The following SCHIP1 variants were observed in gnomAD, a reference collection of about 807,000 sequenced individuals.
The protein encoded by SCHIP1 is schwannomin-interacting protein 1.
SCHIP1 carries 8 observed loss-of-function variants against 29.7 expected under a neutral mutation model. The ratio of observed to expected loss-of-function variants is 0.27; its 90% CI spans 0.16 to 0.49. SCHIP1 has a LOEUF of 0.49. Ranked by LOEUF, SCHIP1 falls within the 20% of genes least tolerant of loss-of-function variation. The pLI is 0.99. For missense variants in SCHIP1, 193 were observed against 294.6 expected (o/e 0.66, Z 2.52); for synonymous variants, 76 against 94.9 (o/e 0.80, Z 1.16).
chr3:159,876,701 C>T (rs2109343911), intron 2 of SCHIP1, among the ~76,000 whole-genome samples: 1 of 152,326 alleles, frequency 6.6e-6, no homozygotes, highest in East Asian at 1.9e-4. Flanking sequence ...TAATTTTAGA[C>T]TTGTTTGGAC....
the SCHIP1 span, among the ~76,000 whole-genome samples, chr3:159,690,785 G>T: frequency 6.6e-6 from 1 of 152,118 alleles, no homozygotes; most frequent in Admixed American, 6.5e-5. Context: ...CAGAGATTCT[G>T]GTGTGTTGTG....
chr3:159,273,425 A>C, the SCHIP1 span: 2 of 1,017,706 alleles, frequency 2.0e-6, no homozygotes, highest in Non-Finnish European at 2.4e-6. Flanking sequence ...TGATAGCATG[A>C]AGTGAATCGG....
chr3:159,776,376 G>A, the SCHIP1 span, among the ~76,000 whole-genome samples: 5 of 146,140 alleles, frequency 3.4e-5, no homozygotes, highest in African/African-American at 5.1e-5. Flanking sequence ...TGTGAAGAGC[G>A]AAAGAACAAA....
the SCHIP1 span, among the ~76,000 whole-genome samples, chr3:159,739,798 A>G: frequency 6.6e-6 from 1 of 152,240 alleles, no homozygotes; most frequent in Non-Finnish European, 1.5e-5. Flanking sequence ...TTTTTCTCTG[A>G]GGGTCAATAT....
the SCHIP1 span, among the ~76,000 whole-genome samples, chr3:159,684,716 A>C: frequency 1.3e-5 from 2 of 150,840 alleles, no homozygotes; most frequent in Non-Finnish European, 3.0e-5. Flanking sequence ...AGGCAGGAGA[A>C]TTGCTTGAAC....
the SCHIP1 span, among the ~76,000 whole-genome samples, chr3:159,541,263 G>A: frequency 0.013 from 1,905 of 152,142 alleles, 16 homozygotes; most frequent in Middle Eastern, 0.027. Flanking sequence ...TTCAGAAAAC[G>A]GGCAATATGT....
Position 159,855,019 on chromosome 3 carries a change from T to C in SCHIP1, c.31-11144T>C, listed in dbSNP as rs754769664. 2.6e-5 allele frequency among the ~76,000 whole-genome samples: 4 copies of C among 152,154 alleles called. No homozygotes were observed. The East Asian group carries it at 5.8e-4, about 22-fold the overall frequency. Reference sequence around the variant, plus strand: ...AAACAGAATTGCACTGTGTAACCCATTATCTAACAAAGGCAGTAGAATGCC... The same window carrying C: ...AAACAGAATTGCACTGTGTAACCCACTATCTAACAAAGGCAGTAGAATGCC... On this transcript the variant is annotated intron_variant, in intron 1 of 6. Transcript: ENST00000445224.
chr3:159,342,547 A>T, the SCHIP1 span, among the ~76,000 whole-genome samples: 1 of 152,192 alleles, frequency 6.6e-6, no homozygotes, highest in Non-Finnish European at 1.5e-5. Flanking sequence ...TTCTTTTTTT[A>T]AAACCAAAGT....
chr3:159,411,445 T>G, the SCHIP1 span, among the ~76,000 whole-genome samples: 2 of 152,152 alleles, frequency 1.3e-5, no homozygotes, highest in South Asian at 4.1e-4. Context: ...AAATTAAAAA[T>G]TAAAAAAGTA....
At chr3:159,510,844 G>C in the SCHIP1 span, among the ~76,000 whole-genome samples, 1 of 152,238 alleles carries the variant, frequency 6.6e-6, no homozygotes, top group East Asian at 1.9e-4. Flanking sequence ...ATCTCAGAGG[G>C]GTACCCAGCT....
chr3:159,884,343 CTGTGTCTG>C (rs1340267720), intron 2 of SCHIP1, among the ~76,000 whole-genome samples: 2 of 108,772 alleles, frequency 1.8e-5, no homozygotes, highest in Non-Finnish European at 3.7e-5. Context: ...ATATGTGTGT[CTGTGTCTG>C]TGTGTGTGTG....
the SCHIP1 span, among the ~76,000 whole-genome samples, chr3:159,439,906 C>G: frequency 6.6e-6 from 1 of 151,978 alleles, no homozygotes; most frequent in Admixed American, 6.6e-5. Flanking sequence ...CATAATGTAA[C>G]TAGATCCTGT....
At chr3:159,628,202 T>C in the SCHIP1 span, among the ~76,000 whole-genome samples, 1 of 144,080 alleles carries the variant, frequency 6.9e-6, no homozygotes, top group African/African-American at 2.6e-5. Flanking sequence ...CTCAGGGACT[T>C]ACACTAGAGA....
chr3:159,771,843 A>G, the SCHIP1 span, among the ~76,000 whole-genome samples: 1 of 152,198 alleles, frequency 6.6e-6, no homozygotes, highest in Admixed American at 6.5e-5. Flanking sequence ...ACAGTCTTTG[A>G]AAATGTAGTT....
the SCHIP1 span, among the ~76,000 whole-genome samples, chr3:159,385,590 C>CA: frequency 4.4e-4 from 58 of 130,580 alleles, 1 homozygote; most frequent in Middle Eastern, 4.0e-3. Context: ...AAAAAAAAAC[C>CA]AAAAAAAAAA....
chr3:159,570,548 C>A, the SCHIP1 span, among the ~76,000 whole-genome samples: 2 of 152,234 alleles, frequency 1.3e-5, no homozygotes, highest in Non-Finnish European at 2.9e-5. Context: ...GTTACTGTAG[C>A]CTTGTAGTAT....
At chr3:159,888,757 C>G in intron 4 of SCHIP1, 63 bp from the exon 6 acceptor site, 3 of 1,583,870 alleles carry the variant, frequency 1.9e-6, no homozygotes, top group South Asian at 2.3e-5. Flanking sequence ...AAAACTGGGT[C>G]TTAACGTTCA....
chr3:159,834,538 C>T, the SCHIP1 span, among the ~76,000 whole-genome samples: 10,217 of 152,184 alleles, frequency 0.067, 1,094 homozygotes, highest in African/African-American at 0.23. Context: ...GAGGAAAACA[C>T]TTTGTGTTTC....
the SCHIP1 span, among the ~76,000 whole-genome samples, chr3:159,487,130 C>CG: frequency 1.8e-4 from 27 of 152,280 alleles, no homozygotes; most frequent in African/African-American, 5.5e-4. Flanking sequence ...CTAAGATTCA[C>CG]CTGTCTTCTA....
Sources: allele counts gnomAD v4.1 joint callset (sites outside exome capture counted in the v4.1 genomes callset), GRCh38; gene constraint gnomAD v4.1.1; transcripts MANE v1.5; gene names NCBI Gene and HGNC (gene_info 2026-07-23, HGNC 2026-07-21).